Variants in PDE1C observed in about 807,000 individuals in gnomAD.
PDE1C encodes the protein dual specificity calcium/calmodulin-dependent 3',5'-cyclic nucleotide phosphodiesterase 1C.
In PDE1C, 62 loss-of-function variants were observed where a neutral mutation model predicts 93.1. The observed-to-expected ratio is 0.67, with a 90% CI of 0.54 to 0.82. The LOEUF (loss-of-function observed/expected upper bound fraction) is 0.82, where lower values mean the gene tolerates loss of function less well. Among genes scored for constraint, PDE1C ranks in the 40% least tolerant of loss-of-function variants. The probability of loss-of-function intolerance (pLI) is 0.00; values close to 1 mark genes in which losing one functional copy is unlikely to be tolerated. For synonymous variants in PDE1C, 325 were observed against 310.1 expected (o/e 1.05, Z -0.50); for missense variants, 742 against 884.6 (o/e 0.84, Z 2.04).
chr7:31,674,927 T>A, the PDE1C span, among the ~76,000 whole-genome samples: 1 of 152,314 alleles, frequency 6.6e-6, no homozygotes, highest in Non-Finnish European at 1.5e-5. Flanking sequence ...AAATCCCAAC[T>A]TCCCAGCAGC....
At chr7:31,924,579 T>G (rs1803095648) in intron 2 of PDE1C, among the ~76,000 whole-genome samples, 1 of 152,052 alleles carries the variant, frequency 6.6e-6, no homozygotes, top group African/African-American at 2.4e-5. Context: ...TACAGGCACC[T>G]CGAAAGAGCC....
intron 1 of PDE1C, among the ~76,000 whole-genome samples, chr7:32,311,814 A>G (rs1055877110): frequency 1.3e-5 from 2 of 152,194 alleles, no homozygotes; most frequent in African/African-American, 4.8e-5. Context: ...AATGGGCAAA[A>G]ACTGGAAGCA....
intron 1 of PDE1C, among the ~76,000 whole-genome samples, chr7:32,329,475 G>A (rs569815054): frequency 6.6e-6 from 1 of 152,168 alleles, no homozygotes; most frequent in African/African-American, 2.4e-5. Context: ...AGGTGACCTT[G>A]AGGTGCCTCA....
intron 2 of PDE1C, among the ~76,000 whole-genome samples, chr7:32,196,852 T>G (rs1804654921): frequency 6.6e-6 from 1 of 152,154 alleles, no homozygotes; most frequent in Non-Finnish European, 1.5e-5. Context: ...TCAGTGGAAT[T>G]TGGTGACTGA....
intron 2 of PDE1C, among the ~76,000 whole-genome samples, chr7:32,030,078 AACACAC>A (rs376919544): frequency 0.023 from 3,042 of 134,050 alleles, 69 homozygotes; most frequent in African/African-American, 0.059. Flanking sequence ...TGCATATTAT[AACACAC>A]ACACACACAC....
rs1360269609 is a variant in PDE1C, at chr7:31,878,026, G to A, written c.436C>T (p.Arg146Trp). ...AGIFVERMYR[R>W]TSNMVGLSYP... ...CTCAGTCCAACCATGTTTGATGTCCGTCTATACATTCTGAAAAGCCAAAAG... is the reference window on the plus strand; with the variant it reads ...CTCAGTCCAACCATGTTTGATGTCCATCTATACATTCTGAAAAGCCAAAAG... The change falls in exon 5 of 18, where the codon CGG (arginine) becomes TGG (tryptophan). Residue 146 changes from arginine to tryptophan, a missense_variant. Arg to Trp is a moderately radical substitution (Grantham distance 101, BLOSUM62 -3). Around this residue, in one of 4 missense-constraint regions of PDE1C, gnomAD observed 205 missense variants for 295.3 expected, o/e 0.69. Coordinates refer to ENST00000396191, the MANE Select transcript of PDE1C (RefSeq NM_001191057.4). The A allele has an allele frequency of 9.9e-6, 16 of 1,611,226 alleles. No individual in the cohort carries two copies. The highest frequency in any genetic ancestry group is 4.5e-5 in the East Asian group (2 of 44,764).
chr7:31,986,841 T>C (rs1475208683), intron 2 of PDE1C, among the ~76,000 whole-genome samples: 1 of 152,114 alleles, frequency 6.6e-6, no homozygotes, highest in East Asian at 1.9e-4. Context: ...GATAATTTGC[T>C]GCAACAACAT....
At chr7:32,313,415 A>G (rs1003929086) in intron 1 of PDE1C, among the ~76,000 whole-genome samples, 1 of 151,988 alleles carries the variant, frequency 6.6e-6, no homozygotes, top group Non-Finnish European at 1.5e-5. Context: ...ATATACCCAA[A>G]GGATTATAAA....
intron 14 of PDE1C, 109 bp from the exon 15 acceptor site, chr7:31,816,263 T>A: frequency 3.0e-6 from 3 of 991,538 alleles, no homozygotes; most frequent in Non-Finnish European, 4.5e-6. Context: ...GTTTACTGAG[T>A]GTTTGGGTAC....
chr7:32,103,388 G>A (rs1170397788), intron 3 of PDE1C, among the ~76,000 whole-genome samples: 1 of 152,104 alleles, frequency 6.6e-6, no homozygotes, highest in Non-Finnish European at 1.5e-5. Flanking sequence ...GGGTGAGGAT[G>A]GACTGGAGGA....
chr7:31,885,800 C>T (rs187173798), intron 2 of PDE1C, among the ~76,000 whole-genome samples: 1 of 152,214 alleles, frequency 6.6e-6, no homozygotes, highest in Non-Finnish European at 1.5e-5. Context: ...CTGCCTTATA[C>T]TGGACTAGGC....
chr7:32,238,282 A>T (rs1456986829), intron 1 of PDE1C, among the ~76,000 whole-genome samples: 1 of 152,238 alleles, frequency 6.6e-6, no homozygotes, highest in African/African-American at 2.4e-5. Context: ...CCAAGGAATA[A>T]ATCTAGCTAA....
At chr7:31,689,369 A>G in the PDE1C span, among the ~76,000 whole-genome samples, 1 of 152,222 alleles carries the variant, frequency 6.6e-6, no homozygotes, top group Admixed American at 6.5e-5. Flanking sequence ...CAGAGGACCA[A>G]CTATGCAGGC....
At chr7:32,259,291 T>C (rs1431506798) in intron 1 of PDE1C, among the ~76,000 whole-genome samples, 1 of 152,180 alleles carries the variant, frequency 6.6e-6, no homozygotes, top group Non-Finnish European at 1.5e-5. Flanking sequence ...TTTCTATCTC[T>C]AGCTTCTTTT....
At chr7:32,006,836 T>A (rs1786332101) in intron 2 of PDE1C, among the ~76,000 whole-genome samples, 1 of 152,132 alleles carries the variant, frequency 6.6e-6, no homozygotes, top group African/African-American at 2.4e-5. Context: ...TGATGCAAAG[T>A]GCTCCATCTA....
chr7:31,938,013 G>A (rs1305242469), intron 2 of PDE1C, among the ~76,000 whole-genome samples: 2 of 152,074 alleles, frequency 1.3e-5, no homozygotes, highest in Non-Finnish European at 2.9e-5. Context: ...ATAGAGGTAT[G>A]TTATACTCAT....
chr7:32,382,156 T>A (rs1784549791), intron 1 of PDE1C, among the ~76,000 whole-genome samples: 1 of 152,128 alleles, frequency 6.6e-6, no homozygotes, highest in Non-Finnish European at 1.5e-5. Flanking sequence ...GCACCTGCTC[T>A]CTTAACCACT....
In PDE1C at chr7:32,263,864, G is replaced by A. The variant is rs548846580; in HGVS notation, c.85+34787C>T. On this transcript the variant is annotated intron_variant, in intron 1 of 18. Coordinates refer to the PDE1C transcript ENST00000396193. The stretch of plus-strand genomic sequence containing the variant: ...TCAGCCAGAACTCAGCATAAACAAT[G>A]TTTCCTTCTGGGGCCTCACATCTAG... Among the ~76,000 whole-genome samples the A allele has an allele frequency of 1.4e-4, 21 of 152,202 alleles. No homozygotes were observed. The South Asian group carries it at 4.1e-3, about 30-fold the overall frequency.
At chr7:31,683,288 A>T in the PDE1C span, among the ~76,000 whole-genome samples, 1 of 152,222 alleles carries the variant, frequency 6.6e-6, no homozygotes, top group South Asian at 2.1e-4. Flanking sequence ...TTACAACTAC[A>T]TGTGAACTAC....
Sources: allele counts gnomAD v4.1 joint callset (sites outside exome capture counted in the v4.1 genomes callset), GRCh38; gene constraint gnomAD v4.1.1; regional missense constraint gnomAD v4.1.1; transcripts MANE v1.5; gene names NCBI Gene and HGNC (gene_info 2026-07-23, HGNC 2026-07-21).